OSTF1: variants seen among roughly 807,000 people sequenced by gnomAD.
OSTF1 encodes the protein osteoclast stimulating factor 1.
OSTF1 carries 27 observed loss-of-function variants against 37.2 expected under a neutral mutation model. The observed-to-expected ratio is 0.73, with a 90% CI of 0.54 to 1.00. The LOEUF (loss-of-function observed/expected upper bound fraction) is 1.00, where lower values mean the gene tolerates loss of function less well. Among genes scored for constraint, OSTF1 ranks in the 50% least tolerant of loss-of-function variants. The pLI is 0.00. For missense variants in OSTF1, 232 were observed against 253.8 expected (o/e 0.91, Z 0.58); for synonymous variants, 82 against 89.2 (o/e 0.92, Z 0.46).
chr9:75,119,983 T>C (rs1825553594), intron 2 of OSTF1, among the ~76,000 whole-genome samples: 1 of 151,610 alleles, frequency 6.6e-6, no homozygotes, highest in Non-Finnish European at 1.5e-5. Context: ...AAAAAAGATA[T>C]GAGTCATTGG....
intron 1 of OSTF1, among the ~76,000 whole-genome samples, chr9:75,110,916 C>G (rs535882611): frequency 1.1e-4 from 16 of 152,078 alleles, no homozygotes; most frequent in African/African-American, 3.4e-4. Flanking sequence ...GCTGGGGTCT[C>G]ATTGTGTTGC....
intron 7 of OSTF1, among the ~76,000 whole-genome samples, chr9:75,134,926 C>T (rs1012064734): frequency 1.3e-5 from 2 of 152,166 alleles, no homozygotes; most frequent in Non-Finnish European, 2.9e-5. Flanking sequence ...TGTGACTTCT[C>T]TACTGTTTTA....
chr9:75,115,610 A>G (rs1445951528), intron 1 of OSTF1, among the ~76,000 whole-genome samples: 4 of 148,218 alleles, frequency 2.7e-5, no homozygotes, highest in African/African-American at 7.4e-5. Context: ...TTCTAAATCT[A>G]TTTATTTTAT....
At chr9:75,117,306 T>C (rs1180651646) in intron 1 of OSTF1, among the ~76,000 whole-genome samples, 198 bp from the exon 2 acceptor site, 1 of 152,222 alleles carries the variant, frequency 6.6e-6, no homozygotes, top group African/African-American at 2.4e-5. Flanking sequence ...TCGTCCTATC[T>C]AGGTGTGATT....
intron 2 of OSTF1, among the ~76,000 whole-genome samples, chr9:75,120,206 A>C (rs1564161837): frequency 6.6e-6 from 1 of 152,154 alleles, no homozygotes; most frequent in Non-Finnish European, 1.5e-5. Context: ...GGATCATCGT[A>C]TGTCAGGGGC....
chr9:75,092,526 C>T (rs1824994134), intron 1 of OSTF1, among the ~76,000 whole-genome samples: 1 of 151,920 alleles, frequency 6.6e-6, no homozygotes, highest in Admixed American at 6.6e-5. Context: ...GATGGCTGAT[C>T]TCATTCATTT....
chr9:75,143,107 T>G (rs575308715), intron 9 of OSTF1, among the ~76,000 whole-genome samples: 1 of 152,170 alleles, frequency 6.6e-6, no homozygotes, highest in South Asian at 2.1e-4. Context: ...GCCCGGCTAA[T>G]TTTTGTATTT....
intron 1 of OSTF1, among the ~76,000 whole-genome samples, chr9:75,102,905 AC>A (rs1172275654): frequency 6.6e-6 from 1 of 152,218 alleles, no homozygotes; most frequent in African/African-American, 2.4e-5. Context: ...TTGTGGGTGT[AC>A]TAGGCATGGC....
chr9:75,098,792 A>G (rs1248363357), intron 1 of OSTF1, among the ~76,000 whole-genome samples: 2 of 152,164 alleles, frequency 1.3e-5, no homozygotes, highest in Non-Finnish European at 2.9e-5. Context: ...TACAGAAATC[A>G]TTGTATTTGA....
chr9:75,106,077 T>C (rs1025339910), intron 1 of OSTF1, among the ~76,000 whole-genome samples: 2 of 152,226 alleles, frequency 1.3e-5, no homozygotes, highest in African/African-American at 4.8e-5. Context: ...TTAGGTTTTT[T>C]CTGTTTCTTT....
intron 9 of OSTF1, among the ~76,000 whole-genome samples, chr9:75,146,411 G>A (rs989495638): frequency 2.0e-5 from 3 of 152,212 alleles, no homozygotes; most frequent in African/African-American, 7.2e-5. Context: ...TGGTCATGGT[G>A]CCTGTGGCTA....
chr9:75,130,896 T>C (rs750487268), intron 4 of OSTF1, among the ~76,000 whole-genome samples: 14 of 152,228 alleles, frequency 9.2e-5, no homozygotes, highest in Admixed American at 3.3e-4. Flanking sequence ...ATGGTTTTAC[T>C]TTCTTCAACC....
chr9:75,123,725 A>G (rs1044209927), intron 2 of OSTF1, among the ~76,000 whole-genome samples: 21 of 152,232 alleles, frequency 1.4e-4, no homozygotes, highest in Non-Finnish European at 1.0e-4. Flanking sequence ...TAGTTTCTTT[A>G]GAAGAAGACA....
rs369159480 is a variant in OSTF1 at position 75,117,461 on chromosome 9, C to G, written c.35-43C>G. 1.9e-5 allele frequency: 28 copies of G among 1,446,292 alleles called. No homozygotes were observed. In the African/African-American group the frequency reaches 3.9e-4, roughly 20 times the overall value. The allele number at this position is 1,446,292 out of a possible 1,614,324, so 89.6% of individuals were successfully genotyped here. ...TGGATAATGCTATTAAGAGCAAATT[C>G]AGGAATGAAAAATTCAGTTGTTGTT... On this transcript the variant is annotated intron_variant, in intron 1 of 9. Transcript: ENST00000346234.
chr9:75,115,637 C>CT (rs35325210), intron 1 of OSTF1, among the ~76,000 whole-genome samples: 2 of 137,716 alleles, frequency 1.5e-5, no homozygotes, highest in Non-Finnish European at 1.6e-5. Flanking sequence ...AGGACCCCCC[C>CT]TTTTTTTGTT....
intron 1 of OSTF1, among the ~76,000 whole-genome samples, chr9:75,101,282 A>T (rs1186322543): frequency 6.6e-6 from 1 of 152,196 alleles, no homozygotes; most frequent in Non-Finnish European, 1.5e-5. Flanking sequence ...GTCACCAGGC[A>T]AGCCACTTTT....
chr9:75,088,754 A>G, intron 1 of OSTF1, 28 bp downstream of exon 1: 4 of 1,593,116 alleles, frequency 2.5e-6, no homozygotes, highest in Non-Finnish European at 2.6e-6. Context: ...GGCGCTTGCC[A>G]GGTCCTGCGA....
chr9:75,099,425 AT>A (rs1428109626), intron 1 of OSTF1, among the ~76,000 whole-genome samples: 3 of 151,376 alleles, frequency 2.0e-5, no homozygotes, highest in African/African-American at 4.9e-5. Flanking sequence ...CTATTTAAAC[AT>A]TTTTTTTGTA....
chr9:75,121,767 A>G (rs890298474), intron 2 of OSTF1, among the ~76,000 whole-genome samples: 3 of 152,174 alleles, frequency 2.0e-5, no homozygotes, highest in Non-Finnish European at 4.4e-5. Context: ...GGAGGGATAG[A>G]TACACCACAG....
Sources: gnomAD v4.1 joint callset for allele counts (sites outside exome capture counted in the v4.1 genomes callset) on GRCh38, gnomAD v4.1.1 for gene constraint, MANE v1.5 for transcripts, NCBI Gene and HGNC (gene_info 2026-07-23, HGNC 2026-07-21) for gene names.